Variants in SEMA4D observed in about 807,000 individuals in gnomAD.
The protein encoded by SEMA4D is semaphorin 4D.
A neutral mutation model predicts 74.8 loss-of-function variants in SEMA4D; 22 were observed. That is an observed-to-expected ratio of 0.29 (90% CI 0.21 to 0.42). The LOEUF is 0.42. SEMA4D is among the 10% of genes least tolerant of loss of function. SEMA4D has a pLI of 1.00. For synonymous variants in SEMA4D, 445 were observed against 463.7 expected, an observed-to-expected ratio of 0.96 and a Z score of 0.52; for missense variants, 937 against 1,118.4, an observed-to-expected ratio of 0.84 and a Z score of 2.31.
chr9:89,436,014 C>T (rs1388292320), intron 2 of SEMA4D, among the ~76,000 whole-genome samples: 1 of 152,188 alleles, frequency 6.6e-6, no homozygotes, highest in Non-Finnish European at 1.5e-5. Flanking sequence ...ATCACAGCCT[C>T]AGCCTTGGCT....
intron 4 of SEMA4D, among the ~76,000 whole-genome samples, chr9:89,401,197 A>G (rs1357284418): frequency 2.6e-5 from 4 of 151,668 alleles, no homozygotes; most frequent in Non-Finnish European, 5.9e-5. Flanking sequence ...TCAGACTCCC[A>G]AGACCTGAGC....
chr9:89,380,765 C>T (rs985546623), intron 15 of SEMA4D, among the ~76,000 whole-genome samples: 1 of 152,176 alleles, frequency 6.6e-6, no homozygotes, highest in Non-Finnish European at 1.5e-5. Context: ...CCATTTATAA[C>T]AGGCTTAGGT....
In SEMA4D at chr9:89,381,386, C is replaced by T. The variant is rs1451718018; in HGVS notation, c.1447-40G>A. 1.4e-6 allele frequency: 2 copies of T among 1,446,270 alleles called. No homozygotes were observed. The highest frequency in any genetic ancestry group is 1.8e-6 in the Non-Finnish European group (2 of 1,094,938). The allele number at this position is 1,446,270 out of a possible 1,614,324, so 89.6% of individuals were successfully genotyped here. ...CAGAGAAGAACTAGCATCAGGCAAG[C>T]AGGCATCCAGGAGCATGGCCTCTGC... On this transcript the variant is annotated intron_variant, in intron 13 of 15. Coordinates refer to ENST00000422704, the MANE Select transcript of SEMA4D (RefSeq NM_001371194.2). This position sits in a 1 kb window ranked among gnomAD's most constrained non-coding sequence, Gnocchi z 4.6.
At chr9:89,405,304 G>C in intron 3 of SEMA4D, 47 bp downstream of exon 3, 1 of 1,523,518 alleles carries the variant, frequency 6.6e-7, no homozygotes, top group Non-Finnish European at 9.1e-7. Flanking sequence ...CAGGCAGTGA[G>C]GTCCCCATCC....
At chr9:89,419,514 T>A (rs1846454114) in intron 2 of SEMA4D, among the ~76,000 whole-genome samples, 1 of 152,160 alleles carries the variant, frequency 6.6e-6, no homozygotes, top group African/African-American at 2.4e-5. Flanking sequence ...GAGGGGACAG[T>A]GGCCGCCCAG....
chr9:89,488,701 G>C (rs543431606), intron 1 of SEMA4D, among the ~76,000 whole-genome samples: 1 of 152,238 alleles, frequency 6.6e-6, no homozygotes, highest in East Asian at 1.9e-4. Context: ...AAACATAAAA[G>C]CTAAAATTAC....
intron 11 of SEMA4D, 109 bp downstream of exon 11, chr9:89,388,527 T>A: frequency 7.3e-7 from 1 of 1,369,952 alleles, no homozygotes; most frequent in Non-Finnish European, 9.8e-7. Flanking sequence ...GCAGAGAGCC[T>A]TGGCGTGGCC....
chr9:89,414,198 G>C (rs531562500), intron 2 of SEMA4D, among the ~76,000 whole-genome samples: 1 of 152,316 alleles, frequency 6.6e-6, no homozygotes, highest in East Asian at 1.9e-4. Context: ...GCCCTGGCTG[G>C]CATCCCAGGG....
chr9:89,393,466 G>A (rs1044163322), intron 7 of SEMA4D, 96 bp downstream of exon 7: 6 of 1,029,234 alleles, frequency 5.8e-6, no homozygotes, highest in African/African-American at 1.6e-5. Flanking sequence ...CAAAGCCAAG[G>A]AAGACAGCAC....
intron 15 of SEMA4D, among the ~76,000 whole-genome samples, chr9:89,379,977 GCAA>G (rs1836642979): frequency 6.6e-6 from 1 of 152,212 alleles, no homozygotes; most frequent in African/African-American, 2.4e-5. Flanking sequence ...GCTAATGGCT[GCAA>G]GGAAGACTGG....
At chr9:89,363,063 C>T (rs78804008) in intron 18 of SEMA4D, among the ~76,000 whole-genome samples, 3,614 of 152,310 alleles carry the variant, frequency 0.024, 136 homozygotes, top group South Asian at 0.14. Context: ...TGGAGGGTTC[C>T]CCATCTGTCC....
chr9:89,362,838 G>A (rs1343628502), intron 18 of SEMA4D, among the ~76,000 whole-genome samples: 1 of 152,210 alleles, frequency 6.6e-6, no homozygotes, highest in Non-Finnish European at 1.5e-5. Context: ...ACACAGTGAT[G>A]AATCCCTGCC....
intron 1 of SEMA4D, among the ~76,000 whole-genome samples, chr9:89,478,777 C>A (rs909772225): frequency 1.4e-5 from 2 of 146,934 alleles, no homozygotes; most frequent in East Asian, 2.0e-4. Flanking sequence ...CCCCACCCCA[C>A]CCCACCCCAA....
intron 2 of SEMA4D, among the ~76,000 whole-genome samples, chr9:89,411,367 G>C (rs1373041590): frequency 6.6e-6 from 1 of 152,164 alleles, no homozygotes; most frequent in African/African-American, 2.4e-5. Context: ...AACTCCACTG[G>C]AGGTCTGGGG....
intron 2 of SEMA4D, among the ~76,000 whole-genome samples, chr9:89,440,889 G>A (rs1405697864): frequency 6.6e-6 from 1 of 152,232 alleles, no homozygotes; most frequent in African/African-American, 2.4e-5. Context: ...AGGAGGCTAA[G>A]TTGGACCTGA....
At chr9:89,384,764 C>A (rs775118897) in intron 13 of SEMA4D, 1 of 985,268 alleles carries the variant, frequency 1.0e-6, no homozygotes, top group African/African-American at 1.7e-5. Flanking sequence ...TGGTACTGGC[C>A]GTTTCTCCAT....
At position 89,490,324 on chromosome 9, in the gene SEMA4D, A is replaced by G. The variant is rs527261647; in HGVS notation, c.-310+7595T>C. The stretch of plus-strand genomic sequence containing the variant: ...GTGCCGGTATGCACAGCAACATGTA[A>G]GAATCTAAAAAACATTATGCAGAGT... On this transcript the variant is annotated intron_variant, in intron 1 of 15. Transcript: ENST00000422704. Among the ~76,000 whole-genome samples, 41 of 152,374 alleles carry G rather than the reference A, an allele frequency of 2.7e-4. 1 individual carries two copies. The South Asian group carries it at 6.6e-3, about 25-fold the overall frequency.
intron 1 of SEMA4D, among the ~76,000 whole-genome samples, chr9:89,465,424 G>A (rs1858426741): frequency 6.6e-6 from 1 of 152,100 alleles, no homozygotes; most frequent in Non-Finnish European, 1.5e-5. Flanking sequence ...CCCTTCAGAG[G>A]GGAAGTCAAA....
At chr9:89,412,086 C>T (rs553124702) in intron 2 of SEMA4D, among the ~76,000 whole-genome samples, 2 of 152,262 alleles carry the variant, frequency 1.3e-5, no homozygotes, top group African/African-American at 2.4e-5. Flanking sequence ...CCCCCACACT[C>T]CATCCCCCTC....
Sources: allele counts gnomAD v4.1 joint callset (sites outside exome capture counted in the v4.1 genomes callset), GRCh38; gene constraint gnomAD v4.1.1; non-coding constraint Gnocchi (gnomAD v3.1); transcripts MANE v1.5; gene names NCBI Gene and HGNC (gene_info 2026-07-23, HGNC 2026-07-21).